FBXL3: variants seen among roughly 807,000 people sequenced by gnomAD.
FBXL3 encodes the protein F-box/LRR-repeat protein 3.
FBXL3 carries 14 observed loss-of-function variants against 37.9 expected under a neutral mutation model. The ratio of observed to expected loss-of-function variants is 0.37; its 90% CI spans 0.24 to 0.58. The LOEUF is 0.58. Among genes scored for constraint, FBXL3 ranks in the 20% least tolerant of loss-of-function variants. The probability of loss-of-function intolerance (pLI) is 0.74; values close to 1 mark genes in which losing one functional copy is unlikely to be tolerated. For synonymous variants in FBXL3, 194 were observed against 180.1 expected, an observed-to-expected ratio of 1.08 and a Z score of -0.62; for missense variants, 327 against 511.1, an observed-to-expected ratio of 0.64 and a Z score of 3.47.
At chr13:77,015,206 TAAG>T in intron 4 of FBXL3, 200 bp downstream of exon 4, 1 of 368,076 alleles carries the variant, frequency 2.7e-6, no homozygotes, top group Non-Finnish European at 4.8e-6. Flanking sequence ...ATTTATCAAA[TAAG>T]ATTAGAAAAT....
chr13:77,021,149 TGTTA>T lies in FBXL3; in HGVS notation c.348+360_348+363del, dbSNP rs527591368. Among the ~76,000 whole-genome samples, 240 of 152,350 alleles carry T rather than the reference TGTTA, an allele frequency of 1.6e-3. 1 individual carries two copies. The highest frequency in any genetic ancestry group is 3.1e-3 in the South Asian group (15 of 4,834). ...CCATCAGTAAGTAACACTAAGTTCC[TGTTA>T]GATAGAAATAGCAATTAAGCTCTAC... On this transcript the variant is annotated intron_variant, in intron 2 of 4. Coordinates refer to ENST00000355619, the MANE Select transcript of FBXL3 (RefSeq NM_012158.4).
chr13:77,022,781 T>C (rs1469712256), intron 1 of FBXL3, among the ~76,000 whole-genome samples: 3 of 152,244 alleles, frequency 2.0e-5, no homozygotes, highest in African/African-American at 7.2e-5. Context: ...TTTCATTCCA[T>C]TAGTTTCTTT....
chr13:77,006,752 T>C lies in FBXL3; in HGVS notation c.*393A>G, dbSNP rs1218371351. The C allele has an allele frequency of 1.1e-5, 10 of 951,344 alleles. No individual in the cohort carries two copies. The African/African-American group carries it at 1.8e-4, about 17-fold the overall frequency. 58.9% of individuals were successfully genotyped at this position (951,344 alleles called of 1,614,324 possible). A position where few individuals can be genotyped will look rare whatever the true frequency, so the allele number is the denominator to read the frequency against. ...ACCTTATAACAGGTGTATGTGTAAC[T>C]GAAGACCCTAAAATGTCAAGTTTAC... is the stretch of plus-strand genomic sequence containing the variant. On this transcript the variant is annotated 3_prime_UTR_variant, in exon 5 of 5. Transcript: ENST00000355619.
At chr13:77,023,011 G>A (rs1034279077) in intron 1 of FBXL3, among the ~76,000 whole-genome samples, 41 of 152,286 alleles carry the variant, frequency 2.7e-4, no homozygotes, top group African/African-American at 9.6e-4. Flanking sequence ...GGGGAGATAC[G>A]ACTGTTGAAC....
chr13:77,011,517 T>C (rs1422465940), intron 4 of FBXL3, among the ~76,000 whole-genome samples: 1 of 151,500 alleles, frequency 6.6e-6, no homozygotes, highest in Non-Finnish European at 1.5e-5. Flanking sequence ...AGCCCATGAG[T>C]TCGAGACTAG....
chr13:77,018,412 A>C lies in FBXL3; in HGVS notation c.471+188T>G, dbSNP rs536176090. The C allele has an allele frequency of 3.5e-4, 123 of 354,224 alleles. No individual in the cohort carries two copies. In the South Asian group the frequency reaches 0.012, roughly 34 times the overall value. The allele number at this position is 354,224 out of a possible 1,614,324, so 21.9% of individuals were successfully genotyped here. A position where few individuals can be genotyped will look rare whatever the true frequency, so the allele number is the denominator to read the frequency against. On this transcript the variant is annotated intron_variant, in intron 3 of 4. Transcript: ENST00000355619. ...TCTTTAACCATACCAATTTAGAAGT[A>C]TGGTGATTTAAAAAAAAAAAAAAAA...
At chr13:77,018,230 C>T (rs79083912) in intron 3 of FBXL3, 1 of 155,184 alleles carries the variant, frequency 6.4e-6, no homozygotes, top group Non-Finnish European at 1.4e-5. Flanking sequence ...TACCTGCTCT[C>T]AATATTGGCA....
chr13:77,016,701 C>CG (rs1555275990), intron 3 of FBXL3: 1 of 147,650 alleles, frequency 6.8e-6, no homozygotes, highest in Non-Finnish European at 1.5e-5. Context: ...ACCCAGCTAA[C>CG]TTTTTTTTTT....
chr13:77,016,514 A>G (rs972517611), intron 3 of FBXL3: 1 of 152,050 alleles, frequency 6.6e-6, no homozygotes, highest in Non-Finnish European at 1.5e-5. Flanking sequence ...GCAGGCTAAG[A>G]GCCAAGAAAG....
intron 4 of FBXL3, chr13:77,011,027 C>T (rs183501040): frequency 6.6e-6 from 1 of 152,122 alleles, no homozygotes; most frequent in Non-Finnish European, 1.5e-5. Flanking sequence ...TAAATTAAGA[C>T]AAATAACCCA....
intron 1 of FBXL3, 74 bp downstream of exon 1, chr13:77,026,753 G>A (rs1162050479): frequency 3.8e-5 from 1 of 26,268 alleles, no homozygotes; most frequent in African/African-American, 1.6e-4. Flanking sequence ...ACCCCGGCCC[G>A]CCCACAGACG....
chr13:77,017,125 A>G (rs572252502), intron 3 of FBXL3: 1 of 152,266 alleles, frequency 6.6e-6, no homozygotes, highest in Non-Finnish European at 1.5e-5. Context: ...GCCCTACTTC[A>G]ATCTTCTACC....
At chr13:77,023,476 AT>A (rs549451656) in intron 1 of FBXL3, among the ~76,000 whole-genome samples, 1,567 of 151,632 alleles carry the variant, frequency 0.01, 23 homozygotes, top group African/African-American at 0.036. Context: ...ATTACAGGTA[AT>A]TTTTTTTTCT....
chr13:77,010,595 C>G (rs772150341), intron 4 of FBXL3: 8 of 152,166 alleles, frequency 5.3e-5, no homozygotes, highest in Admixed American at 4.6e-4. Flanking sequence ...ATTGCTGGCT[C>G]TAAGCTAGAG....
intron 4 of FBXL3, among the ~76,000 whole-genome samples, chr13:77,008,056 C>G (rs2034484560): frequency 6.6e-6 from 1 of 151,946 alleles, no homozygotes. Context: ...AAAAATACAC[C>G]ATCACTAAGG....
chr13:77,022,830 A>G (rs751153370), intron 1 of FBXL3, among the ~76,000 whole-genome samples: 78 of 152,318 alleles, frequency 5.1e-4, no homozygotes, highest in Admixed American at 1.4e-3. Flanking sequence ...TATTATGGCT[A>G]AAGAGAATGG....
chr13:77,007,157 C>T lies in FBXL3; in HGVS notation c.1275G>A (p.Met425Ile). 1 of 1,600,732 alleles carries T rather than the reference C, an allele frequency of 6.2e-7. No individual in the cohort carries two copies. Among genetic ancestry groups the T allele is most frequent in the Non-Finnish European group, 8.5e-7 (1 of 1,171,340 alleles). ...HLGRVWFPDM[M>I]PTW ...CATCATGCAGTTTTTACCAAGTGGG[C>T]ATCATGTCGGGAAACCACACCCTAC... The change falls in exon 5 of 5, where the codon ATG becomes ATA. Residue 425 changes from methionine (M) to isoleucine (I), a missense_variant. Coordinates refer to ENST00000355619, the MANE Select transcript of FBXL3 (RefSeq NM_012158.4).
chr13:77,018,187 T>C (rs910775806), intron 3 of FBXL3: 1 of 152,520 alleles, frequency 6.6e-6, no homozygotes, highest in Non-Finnish European at 1.5e-5. Context: ...ATTAAATCTT[T>C]CCAGAACATT....
intron 1 of FBXL3, among the ~76,000 whole-genome samples, chr13:77,025,318 A>G (rs1206188949): frequency 6.6e-6 from 1 of 152,194 alleles, no homozygotes; most frequent in Non-Finnish European, 1.5e-5. Flanking sequence ...AGGCCACCAC[A>G]GCTTTTGGTG....
Sources: allele counts gnomAD v4.1 joint callset (sites outside exome capture counted in the v4.1 genomes callset), GRCh38; gene constraint gnomAD v4.1.1; transcripts MANE v1.5; gene names NCBI Gene and HGNC (gene_info 2026-07-23, HGNC 2026-07-21).